AKT2: variants seen among roughly 807,000 people sequenced by gnomAD.
The protein encoded by AKT2 is AKT serine/threonine kinase 2, also known as RAC-beta serine/threonine-protein kinase.
In AKT2, 16 loss-of-function variants were observed where a neutral mutation model predicts 58.6. The observed-to-expected ratio is 0.27, with a 90% CI of 0.18 to 0.41. The LOEUF is 0.41. Among genes scored for constraint, AKT2 ranks in the 10% least tolerant of loss-of-function variants. The pLI is 1.00. For synonymous variants in AKT2, 253 were observed against 254.0 expected (o/e 1.00, Z 0.04); for missense variants, 438 against 661.0 (o/e 0.66, Z 3.70).
At chr19:40,274,927 G>A in intron 1 of AKT2, 1 of 385,418 alleles carries the variant, frequency 2.6e-6, no homozygotes, top group South Asian at 1.9e-5. Context: ...GGAACCCCTT[G>A]CACCCAGGGC....
intron 2 of AKT2, among the ~76,000 whole-genome samples, chr19:40,260,588 C>T (rs186977415): frequency 2.4e-3 from 304 of 126,682 alleles, no homozygotes; most frequent in African/African-American, 8.4e-3. Context: ...CGAGATCACG[C>T]CACTGCACTC....
At chr19:40,262,438 G>C (rs1976031824) in intron 2 of AKT2, among the ~76,000 whole-genome samples, 1 of 152,218 alleles carries the variant, frequency 6.6e-6, no homozygotes, top group South Asian at 2.1e-4. Context: ...CTCTAAACCG[G>C]CAGATGGAGC....
chr19:40,240,678 G>A (rs1262466469), intron 6 of AKT2: 2 of 212,842 alleles, frequency 9.4e-6, no homozygotes, highest in Non-Finnish European at 1.9e-5. Context: ...GAACCACCAG[G>A]AGTGGTTCCA....
At position 40,240,126 on chromosome 19, in the gene AKT2, G is replaced by A. The variant is rs536203851; in HGVS notation, c.574-16C>T. 29 of 1,613,768 alleles carry A rather than the reference G, an allele frequency of 1.8e-5. No individual in the cohort carries two copies. Among genetic ancestry groups the A allele is most frequent in the East Asian group, 2.2e-5 (1 of 44,882 alleles). ...CGACTTCATCCTGCAGACAGACTGCGGGTGAGGGGCTGGTGGGCAACACCA... is the reference window on the plus strand; with the variant it reads ...CGACTTCATCCTGCAGACAGACTGCAGGTGAGGGGCTGGTGGGCAACACCA... On this transcript the variant is annotated splice_polypyrimidine_tract_variant and intron_variant, in intron 6 of 13. Transcript: ENST00000392038.
At chr19:40,263,083 C>T (rs1976082456) in intron 2 of AKT2, among the ~76,000 whole-genome samples, 1 of 152,172 alleles carries the variant, frequency 6.6e-6, no homozygotes. Flanking sequence ...GTCATCTGGC[C>T]CCTTGTAACA....
rs2145307453 is a variant in AKT2, at chr19:40,257,072, G to A, written c.47-18C>T. ...GTATTCACCTGAAATGAGGCAGGAA[G>A]GGAGGGAGAGAGGTTAGGACAAGGT... is the stretch of plus-strand genomic sequence containing the variant. On this transcript the variant is annotated intron_variant, in intron 2 of 13. Coordinates refer to ENST00000392038, the MANE Select transcript of AKT2 (RefSeq NM_001626.6). The A allele has an allele frequency of 6.2e-7, 1 of 1,613,762 alleles. No individual in the cohort carries two copies. Among genetic ancestry groups the A allele is most frequent in the South Asian group, 1.1e-5 (1 of 91,062 alleles).
At chr19:40,280,572 C>A (rs1209070871) in intron 1 of AKT2, among the ~76,000 whole-genome samples, 2 of 152,162 alleles carry the variant, frequency 1.3e-5, no homozygotes, top group African/African-American at 4.8e-5. Flanking sequence ...CACAGACAGT[C>A]CACAAGGCTC....
intron 1 of AKT2, among the ~76,000 whole-genome samples, chr19:40,281,806 G>A (rs2077428860): frequency 6.6e-6 from 1 of 152,240 alleles, no homozygotes; most frequent in Non-Finnish European, 1.5e-5. Context: ...CTCACCATGT[G>A]TCGGGCACTG....
rs1009681778 is a variant in AKT2 at position 40,285,171 on chromosome 19, G to A, written c.-85+10C>T. Reference sequence around the variant, plus strand: ...GGGGGGCGTTCGGGGACACGCGCTGGCGCACTCACCTGTCACCGGCAGCCG... The same window carrying A: ...GGGGGGCGTTCGGGGACACGCGCTGACGCACTCACCTGTCACCGGCAGCCG... On this transcript the variant is annotated intron_variant, in intron 1 of 13. Transcript: ENST00000392038. The A allele has an allele frequency of 4.1e-5, 16 of 393,950 alleles. No homozygotes were observed. 24.4% of individuals were successfully genotyped at this position (393,950 alleles called of 1,614,324 possible).
intron 2 of AKT2, 139 bp downstream of exon 2, chr19:40,265,083 T>A (rs1004450173): frequency 1.6e-6 from 2 of 1,286,820 alleles, no homozygotes; most frequent in Non-Finnish European, 2.2e-6. Context: ...AATGGGGGCA[T>A]AAGCAGCTGT....
In AKT2 at chr19:40,235,824, C is replaced by A; in HGVS notation, c.1175+66G>T. On this transcript the variant is annotated intron_variant, in intron 11 of 13. Coordinates refer to ENST00000392038, the MANE Select transcript of AKT2 (RefSeq NM_001626.6). This position sits in a 1 kb window ranked among gnomAD's most constrained non-coding sequence, Gnocchi z 6.3. ...CGAGCACCCTTGTGGACGCTGCCCC[C>A]TCCAGGCCGCAGGGACAGTGGCAGC... The A allele has an allele frequency of 6.6e-7, 1 of 1,511,584 alleles. No individual in the cohort carries two copies. The highest frequency in any genetic ancestry group is 2.3e-5 in the East Asian group (1 of 43,006). 93.6% of individuals were successfully genotyped at this position (1,511,584 alleles called of 1,614,324 possible). A position where few individuals can be genotyped will look rare whatever the true frequency, so the allele number is the denominator to read the frequency against.
At position 40,231,733 on chromosome 19, in the gene AKT2, A is replaced by G; in HGVS notation, c.*2139T>C. 4.3e-6 allele frequency: 1 copy of G among 233,454 alleles called. No individual in the cohort carries two copies. Among genetic ancestry groups the G allele is most frequent in the Non-Finnish European group, 8.5e-6 (1 of 118,176 alleles). 14.5% of individuals were successfully genotyped at this position (233,454 alleles called of 1,614,324 possible). ...TCAAGCACGGGAAGTGCAGGGGCCC[A>G]GACACATCCAGGCTAAAGGGCAGTG... On this transcript the variant is annotated 3_prime_UTR_variant, in exon 14 of 14. Coordinates refer to ENST00000392038, the MANE Select transcript of AKT2 (RefSeq NM_001626.6).
intron 7 of AKT2, chr19:40,239,633 A>C (rs538951106): frequency 3.8e-5 from 14 of 364,972 alleles, no homozygotes; most frequent in Non-Finnish European, 7.0e-5. Context: ...CTGCAGCCCA[A>C]ACAGGCATCT....
Position 40,242,823 on chromosome 19 carries a change from C to G in AKT2, c.288-136G>C. Reference sequence around the variant, plus strand: ...ATAACCATGGGAATTTGGGCAAGATCTGTCAGAACCAGAGAGAGCTGAAGG... The same window carrying G: ...ATAACCATGGGAATTTGGGCAAGATGTGTCAGAACCAGAGAGAGCTGAAGG... On this transcript the variant is annotated intron_variant, in intron 4 of 13. Coordinates refer to ENST00000392038, the MANE Select transcript of AKT2 (RefSeq NM_001626.6). This position sits in a 1 kb window ranked among gnomAD's most constrained non-coding sequence, Gnocchi z 4.3. 1 of 980,604 alleles carries G rather than the reference C, an allele frequency of 1.0e-6. No homozygotes were observed. Among genetic ancestry groups the G allele is most frequent in the Non-Finnish European group, 1.5e-6 (1 of 648,414 alleles). 60.7% of individuals were successfully genotyped at this position (980,604 alleles called of 1,614,324 possible).
chr19:40,246,164 G>A (rs1221534187), intron 4 of AKT2, among the ~76,000 whole-genome samples: 1 of 148,986 alleles, frequency 6.7e-6, no homozygotes, highest in Admixed American at 6.7e-5. Flanking sequence ...TTTCTTTTTT[G>A]TTTCTTTTTG....
At position 40,275,767 on chromosome 19, in the gene AKT2, G is replaced by GGGGGGGT. The variant is rs2077305294; in HGVS notation, c.-85+9413_-85+9414insACCCCCC. Among the ~76,000 whole-genome samples the GGGGGGGT allele has an allele frequency of 2.0e-5, 2 of 99,996 alleles. 1 individual carries two copies. Among genetic ancestry groups the GGGGGGGT allele is most frequent in the Non-Finnish European group, 4.3e-5 (2 of 46,260 alleles). The allele number at this position is 99,996 out of a possible 152,430, so 65.6% of individuals were successfully genotyped here. A position where few individuals can be genotyped will look rare whatever the true frequency, so the allele number is the denominator to read the frequency against. On this transcript the variant is annotated intron_variant, in intron 1 of 13. Transcript: ENST00000392038. ...TAATCCCAGCACTTTGGGAGGCTGG[G>GGGGGGGT]GGGGGGGGGGGTGGGCGGGGGGCGA...
intron 1 of AKT2, among the ~76,000 whole-genome samples, chr19:40,271,337 G>C (rs1196032172): frequency 2.0e-5 from 3 of 148,964 alleles, no homozygotes; most frequent in Admixed American, 2.0e-4. Flanking sequence ...TGAGGTGGGA[G>C]GTTGACCTGA....
chr19:40,264,025 G>A (rs542734785), intron 2 of AKT2, among the ~76,000 whole-genome samples: 1 of 152,252 alleles, frequency 6.6e-6, no homozygotes, highest in South Asian at 2.1e-4. Context: ...ATGTCTGCCT[G>A]GGAGCTGTCT....
intron 7 of AKT2, 111 bp downstream of exon 7, chr19:40,239,934 C>A: frequency 7.3e-7 from 1 of 1,365,958 alleles, no homozygotes; most frequent in Non-Finnish European, 1.0e-6. Context: ...CCTTGCCCTG[C>A]CCGCCTGGCC....
Sources: gnomAD v4.1 joint callset for allele counts (sites outside exome capture counted in the v4.1 genomes callset) on GRCh38, gnomAD v4.1.1 for gene constraint, Gnocchi (gnomAD v3.1) non-coding constraint, MANE v1.5 for transcripts, NCBI Gene and HGNC (gene_info 2026-07-23, HGNC 2026-07-21) for gene names.